DCN: variants seen among roughly 807,000 people sequenced by gnomAD.
The protein encoded by DCN is decorin.
Under a neutral mutation model 36.5 loss-of-function variants are expected in DCN, and 17 were observed. That is an observed-to-expected ratio of 0.47 (90% confidence interval 0.32 to 0.70). The LOEUF is 0.70. Ranked by LOEUF, DCN falls within the 30% of genes least tolerant of loss-of-function variation. The probability of loss-of-function intolerance (pLI) is 0.04; values close to 1 mark genes in which losing one functional copy is unlikely to be tolerated. For missense variants in DCN, 389 were observed against 430.1 expected (o/e 0.90, Z 0.84); for synonymous variants, 163 against 161.4 (o/e 1.01, Z -0.07).
chr12:91,144,270 A>G lies in DCN; in HGVS notation c.*1788T>C, dbSNP rs893143298. 6.6e-6 allele frequency: 1 copy of G among 152,250 alleles called. No homozygotes were observed. Among genetic ancestry groups the G allele is most frequent in the African/African-American group, 2.4e-5 (1 of 41,458 alleles). The allele number at this position is 152,250 out of a possible 1,614,324, so 9.4% of individuals were successfully genotyped here. A position where few individuals can be genotyped will look rare whatever the true frequency, so the allele number is the denominator to read the frequency against. On this transcript the variant is annotated 3_prime_UTR_variant, in exon 8 of 8. Coordinates refer to ENST00000052754, the MANE Select transcript of DCN (RefSeq NM_001920.5). ...TAAGAAGGGTGAATCGTTAAAGGCT[A>G]TAGCATGAAGGGTGCATTATTCATG...
At chr12:91,148,966 T>C (rs1352542557) in intron 7 of DCN, among the ~76,000 whole-genome samples, 1 of 152,138 alleles carries the variant, frequency 6.6e-6, no homozygotes, top group Non-Finnish European at 1.5e-5. Context: ...CCAGTAGTGA[T>C]TAGCAAGTAA....
In DCN at chr12:91,146,883, C is replaced by T. The variant is rs373626435; in HGVS notation, c.886-631G>A. 1.7e-4 allele frequency among the ~76,000 whole-genome samples: 26 copies of T among 152,304 alleles called. No homozygotes were observed. The East Asian group carries it at 2.9e-3, about 17-fold the overall frequency. ...GCTAGCTCAGCCTTCAAAATGTACA[C>T]TTAATCTAGTTCTCTCCACCTCTAC... On this transcript the variant is annotated intron_variant, in intron 7 of 7. Coordinates refer to ENST00000052754, the MANE Select transcript of DCN (RefSeq NM_001920.5).
chr12:91,172,010 A>G (rs1882990462), intron 2 of DCN: 1 of 152,194 alleles, frequency 6.6e-6, no homozygotes, highest in Admixed American at 6.5e-5. Context: ...GGTAGCCTGG[A>G]TTAGACATTT....
chr12:91,180,189 T>G (rs1300478633), intron 1 of DCN: 1 of 151,772 alleles, frequency 6.6e-6, no homozygotes, highest in Non-Finnish European at 1.5e-5. Context: ...ATCTCTACCT[T>G]GAATTGTACA....
chr12:91,171,427 A>G (rs1882946939), intron 2 of DCN, among the ~76,000 whole-genome samples: 1 of 152,224 alleles, frequency 6.6e-6, no homozygotes, highest in African/African-American at 2.4e-5. Context: ...ATGCTCTTCT[A>G]CAATATGCAT....
At chr12:91,171,040 G>T (rs926805575) in intron 2 of DCN, among the ~76,000 whole-genome samples, 2 of 151,916 alleles carry the variant, frequency 1.3e-5, no homozygotes, top group East Asian at 3.9e-4. Flanking sequence ...TTCATAAAAT[G>T]ATATAAAAAG....
At chr12:91,157,918 G>A (rs1034268393) in intron 4 of DCN, among the ~76,000 whole-genome samples, 4 of 152,090 alleles carry the variant, frequency 2.6e-5, no homozygotes, top group South Asian at 2.1e-4. Context: ...ATGAGCCACC[G>A]CGCCCAGCCA....
At chr12:91,170,906 T>G (rs1451626346) in intron 2 of DCN, among the ~76,000 whole-genome samples, 1 of 152,196 alleles carries the variant, frequency 6.6e-6, no homozygotes, top group African/African-American at 2.4e-5. Context: ...ACAGTTATCC[T>G]ACCTTAATTT....
intron 6 of DCN, among the ~76,000 whole-genome samples, chr12:91,152,844 A>G (rs1881520567): frequency 6.6e-6 from 1 of 152,158 alleles, no homozygotes; most frequent in African/African-American, 2.4e-5. Context: ...TGTATAAAAT[A>G]TAACTAATCT....
chr12:91,178,787 A>G (rs890428701), intron 1 of DCN, among the ~76,000 whole-genome samples: 43 of 152,206 alleles, frequency 2.8e-4, no homozygotes, highest in African/African-American at 9.4e-4. Context: ...TTTACTTAGG[A>G]TGAGAAATCT....
chr12:91,148,134 C>A (rs1881152895), intron 7 of DCN, among the ~76,000 whole-genome samples: 1 of 150,232 alleles, frequency 6.7e-6, no homozygotes, highest in African/African-American at 2.5e-5. Flanking sequence ...AGTGCGGTGT[C>A]GCAATCTCGG....
In DCN at chr12:91,146,004, C is replaced by G. The variant is rs571211118; in HGVS notation, c.*54G>C. 21 of 1,387,652 alleles carry G rather than the reference C, an allele frequency of 1.5e-5. No individual in the cohort carries two copies. In the East Asian group the frequency reaches 4.8e-4, roughly 32 times the overall value. 86.0% of individuals were successfully genotyped at this position (1,387,652 alleles called of 1,614,324 possible). A position where few individuals can be genotyped will look rare whatever the true frequency, so the allele number is the denominator to read the frequency against. On this transcript the variant is annotated 3_prime_UTR_variant, in exon 8 of 8. Coordinates refer to ENST00000052754, the MANE Select transcript of DCN (RefSeq NM_001920.5). ...TATCTAGCTTTTATTTATTTTTTAG[C>G]AATGACATTAACAAGATTTTGCCAG...
chr12:91,144,174 T>C lies in DCN; in HGVS notation c.*1884A>G, dbSNP rs1264581341. ...AGGCTATAACATGGAGTGTGCATCA[T>C]TGAAGGCTACAACATGAAGGGTGCG... On this transcript the variant is annotated 3_prime_UTR_variant, in exon 8 of 8. Transcript: ENST00000052754. 6.6e-6 allele frequency: 1 copy of C among 152,120 alleles called. No homozygotes were observed. Among genetic ancestry groups the C allele is most frequent in the Non-Finnish European group, 1.5e-5 (1 of 68,020 alleles). 9.4% of individuals were successfully genotyped at this position (152,120 alleles called of 1,614,324 possible). A position where few individuals can be genotyped will look rare whatever the true frequency, so the allele number is the denominator to read the frequency against.
rs958642941 is a variant in DCN, at chr12:91,141,165, T to A, written c.*4893A>T. 11 of 152,080 alleles carry A rather than the reference T, an allele frequency of 7.2e-5. No individual in the cohort carries two copies. The highest frequency in any genetic ancestry group is 2.4e-4 in the African/African-American group (10 of 41,398). The allele number at this position is 152,080 out of a possible 1,614,324, so 9.4% of individuals were successfully genotyped here. A position where few individuals can be genotyped will look rare whatever the true frequency, so the allele number is the denominator to read the frequency against. On this transcript the variant is annotated 3_prime_UTR_variant, in exon 8 of 8. Transcript: ENST00000052754. ...CCTCTACCGAGACCCCTCTAATAGC[T>A]CTCTGTCTTACTCAGAGTAAAAGCT... is the stretch of plus-strand genomic sequence containing the variant.
chr12:91,157,371 C>T (rs561316543), intron 4 of DCN, among the ~76,000 whole-genome samples, 183 bp from the exon 5 acceptor site: 1 of 152,202 alleles, frequency 6.6e-6, no homozygotes, highest in East Asian at 1.9e-4. Flanking sequence ...AAAAATTTCC[C>T]TTATTAAAAC....
rs1880761857 is a variant in DCN at position 91,141,787 on chromosome 12, T to C, written c.*4271A>G. 1 of 152,096 alleles carries C rather than the reference T, an allele frequency of 6.6e-6. No individual in the cohort carries two copies. The highest frequency in any genetic ancestry group is 2.4e-5 in the African/African-American group (1 of 41,412). The allele number at this position is 152,096 out of a possible 1,614,324, so 9.4% of individuals were successfully genotyped here. A position where few individuals can be genotyped will look rare whatever the true frequency, so the allele number is the denominator to read the frequency against. ...TTCAGCCCTCACAGTCACTGCAGAATGTGTGGCCTGGGAAGAGTCTCCTGA... is the reference window on the plus strand; with the variant it reads ...TTCAGCCCTCACAGTCACTGCAGAACGTGTGGCCTGGGAAGAGTCTCCTGA... On this transcript the variant is annotated 3_prime_UTR_variant, in exon 8 of 8. Coordinates refer to ENST00000052754, the MANE Select transcript of DCN (RefSeq NM_001920.5).
chr12:91,171,857 A>T (rs966932406), intron 2 of DCN, among the ~76,000 whole-genome samples: 3 of 151,822 alleles, frequency 2.0e-5, no homozygotes, highest in East Asian at 1.9e-4. Context: ...AGCAAATTAA[A>T]TTTTTTTTTA....
At chr12:91,174,081 G>A (rs1883145378) in intron 2 of DCN, among the ~76,000 whole-genome samples, 1 of 152,144 alleles carries the variant, frequency 6.6e-6, no homozygotes, top group Non-Finnish European at 1.5e-5. Flanking sequence ...TTTCTAGAGG[G>A]CTAAGTGTGT....
intron 2 of DCN, among the ~76,000 whole-genome samples, chr12:91,174,010 C>G (rs1592706700): frequency 6.6e-6 from 1 of 152,030 alleles, no homozygotes; most frequent in Admixed American, 6.6e-5. Context: ...TATTAGAAAC[C>G]AGTAGTTATT....
Sources: allele counts gnomAD v4.1 joint callset (sites outside exome capture counted in the v4.1 genomes callset), GRCh38; gene constraint gnomAD v4.1.1; transcripts MANE v1.5; gene names NCBI Gene and HGNC (gene_info 2026-07-23, HGNC 2026-07-21).